The following FOXO3B variants were observed in gnomAD, a reference collection of about 807,000 sequenced individuals.
FOXO3B encodes the protein forkhead box protein O3B.
In FOXO3B, 15 loss-of-function variants were observed where a neutral mutation model predicts 21.9. That is an observed-to-expected ratio of 0.68 (90% CI 0.46 to 1.05). The LOEUF is 1.05. FOXO3B is among the 50% of genes least tolerant of loss of function. The pLI is 0.00. For missense variants in FOXO3B, 293 were observed against 435.5 expected, an observed-to-expected ratio of 0.67 and a Z score of 2.91; for synonymous variants, 135 against 213.6, an observed-to-expected ratio of 0.63 and a Z score of 3.21.
chr17:18,672,862 A>G lies in FOXO3B; in HGVS notation c.320T>C (p.Phe107Ser). ...SPLEVELDPEFEPQSRPRSCT... is the reference protein window; with the variant it reads ...SPLEVELDPESEPQSRPRSCT... ...GGATCGCGGACGGCTCTGGGGCTCGAACTCCGGGTCCAGCTCCACTTCGAG... is the reference window on the plus strand; with the variant it reads ...GGATCGCGGACGGCTCTGGGGCTCGGACTCCGGGTCCAGCTCCACTTCGAG... Residue 107 changes from phenylalanine (F) to serine (S), a missense_variant, in exon 4 of 4, where the codon TTC (phenylalanine) becomes TCC (serine). Physicochemically the swap from Phe to Ser is radical, Grantham distance 155. Transcript: ENST00000395675. The surrounding 1 kb of genome is among the most constrained non-coding windows in gnomAD (Gnocchi z 4.2). 6.4e-7 allele frequency: 1 copy of G among 1,559,550 alleles called. No individual in the cohort carries two copies. Among genetic ancestry groups the G allele is most frequent in the Non-Finnish European group, 8.7e-7 (1 of 1,155,108 alleles).
Position 18,672,897 on chromosome 17 carries a change from C to G in FOXO3B, c.285G>C (p.Pro95=). Residue 95 remains proline, a synonymous_variant, in exon 4 of 4, where the codon CCG becomes CCC. Transcript: ENST00000395675. This position sits in a 1 kb window ranked among gnomAD's most constrained non-coding sequence, Gnocchi z 4.2. ...KMAEAPASPA[P]LSPLEVELDP... ...CCAGCTCCACTTCGAGCGGAGAAAG[C>G]GGGGCCGGGGAAGCCGGTGCCTCTG... is the stretch of plus-strand genomic sequence containing the variant. 1 of 1,556,466 alleles carries G rather than the reference C, an allele frequency of 6.4e-7. No homozygotes were observed. The highest frequency in any genetic ancestry group is 1.2e-5 in the South Asian group (1 of 84,848).
Position 18,671,304 on chromosome 17 carries a change from T to G in FOXO3B, c.*1005A>C. 1 of 1,610,074 alleles carries G rather than the reference T, an allele frequency of 6.2e-7. No individual in the cohort carries two copies. Among genetic ancestry groups the G allele is most frequent in the Non-Finnish European group, 8.5e-7 (1 of 1,177,600 alleles). ...GGCACGGCTGCCACCAAGAGCGCCC[T>G]GGGTTTGGTGCTGGTGGTGGAGCAA... On this transcript the variant is annotated 3_prime_UTR_variant, in exon 4 of 4. Transcript: ENST00000395675.
Position 18,670,166 on chromosome 17 carries a change from A to G in FOXO3B, c.*2143T>C, listed in dbSNP as rs1467614847. Among the ~76,000 whole-genome samples the G allele has an allele frequency of 6.6e-6, 1 of 152,208 alleles. No individual in the cohort carries two copies. Among genetic ancestry groups the G allele is most frequent in the Non-Finnish European group, 1.5e-5 (1 of 68,034 alleles). ...CGTCCACAGATCACCCTGACTCAGA[A>G]CTGGAAACACACTGGGCTGGACGCT... On this transcript the variant is annotated 3_prime_UTR_variant, in exon 4 of 4. Transcript: ENST00000395675.
Position 18,671,051 on chromosome 17 carries a change from C to T in FOXO3B, c.*1258G>A. The T allele has an allele frequency of 9.6e-7, 1 of 1,040,586 alleles. No homozygotes were observed. Among genetic ancestry groups the T allele is most frequent in the East Asian group, 2.4e-5 (1 of 41,982 alleles). The allele number at this position is 1,040,586 out of a possible 1,614,324, so 64.5% of individuals were successfully genotyped here. A position where few individuals can be genotyped will look rare whatever the true frequency, so the allele number is the denominator to read the frequency against. ...CCATGAGTTCACTACGGATAATGGA[C>T]TCCATGTCACATTCCAAGCTCCCAT... On this transcript the variant is annotated 3_prime_UTR_variant, in exon 4 of 4. Coordinates refer to ENST00000395675, the MANE Select transcript of FOXO3B (RefSeq NM_001368135.1).
At position 18,672,802 on chromosome 17, in the gene FOXO3B, G is replaced by T; in HGVS notation, c.380C>A (p.Ala127Glu). Residue 127 changes from alanine to glutamate, a missense_variant, in exon 4 of 4, where the codon GCG becomes GAG. Transcript: ENST00000395675. This position sits in a 1 kb window ranked among gnomAD's most constrained non-coding sequence, Gnocchi z 4.2. The stretch of plus-strand genomic sequence containing the variant: ...CTCCCCCGAGGGCTTGGCAGGGCTC[G>T]CTTGGAGCTCCGGCCTTTGCAGGGG... The part of the protein sequence containing the change: ...TWPLQRPELQ[A>E]SPAKPSGETA... 1 of 1,558,406 alleles carries T rather than the reference G, an allele frequency of 6.4e-7. No homozygotes were observed. Among genetic ancestry groups the T allele is most frequent in the South Asian group, 1.2e-5 (1 of 85,272 alleles).
In FOXO3B at chr17:18,672,374, C is replaced by T. The variant is rs562581157; in HGVS notation, c.808G>A (p.Glu270Lys). 1 of 1,613,058 alleles carries T rather than the reference C, an allele frequency of 6.2e-7. No individual in the cohort carries two copies. The highest frequency in any genetic ancestry group is 1.1e-5 in the South Asian group (1 of 91,018). Reference sequence around the variant, plus strand: ...TAGGGCACGCAACTCACCATCCACTCGTAGATCTGGGACAGAGTGAGCCGT... The same window carrying T: ...TAGGGCACGCAACTCACCATCCACTTGTAGATCTGGGACAGAGTGAGCCGT... ...DRRLTLSQIY[E>K]WMVSCVPYFK... is the part of the protein sequence containing the mutation. Residue 270 changes from glutamate (E) to lysine (K), a missense_variant, in exon 4 of 4, where the codon GAG becomes AAG. Physicochemically the swap from Glu to Lys is moderately conservative, Grantham distance 56. This residue lies in a region of FOXO3B where 42 missense variants were observed against 31.5 expected (regional missense o/e 1.33). Coordinates refer to ENST00000395675, the MANE Select transcript of FOXO3B (RefSeq NM_001368135.1). This position sits in a 1 kb window ranked among gnomAD's most constrained non-coding sequence, Gnocchi z 4.2.
chr17:18,670,231 A>G lies in FOXO3B; in HGVS notation c.*2078T>C, dbSNP rs1465012007. Among the ~76,000 whole-genome samples the G allele has an allele frequency of 6.6e-6, 1 of 152,226 alleles. No individual in the cohort carries two copies. The highest frequency in any genetic ancestry group is 1.5e-5 in the Non-Finnish European group (1 of 68,034). ...TTGCCTATGCATGGTTCAGTCCTGG[A>G]CGGGTGCGCATAGCAAACAATTGTG... is the stretch of plus-strand genomic sequence containing the variant. On this transcript the variant is annotated 3_prime_UTR_variant, in exon 4 of 4. Coordinates refer to ENST00000395675, the MANE Select transcript of FOXO3B (RefSeq NM_001368135.1).
chr17:18,677,248 T>G (rs2032504618), intron 3 of FOXO3B: 1 of 1,601,130 alleles, frequency 6.2e-7, no homozygotes, highest in East Asian at 2.2e-5. Context: ...ACAAGTCTAC[T>G]TGTATGTATA....
chr17:18,670,912 G>A lies in FOXO3B; in HGVS notation c.*1397C>T, dbSNP rs555366836. The A allele has an allele frequency of 1.4e-3, 2,217 of 1,555,574 alleles. No homozygotes were observed. The highest frequency in any genetic ancestry group is 1.8e-3 in the Non-Finnish European group (2,037 of 1,150,770). On this transcript the variant is annotated 3_prime_UTR_variant, in exon 4 of 4. Coordinates refer to ENST00000395675, the MANE Select transcript of FOXO3B (RefSeq NM_001368135.1). ...CCTTCCTCAGTGATCCTTCAGCCTGGCACCCAGCTCTGAGATGAGGCCTGC... is the reference window on the plus strand; with the variant it reads ...CCTTCCTCAGTGATCCTTCAGCCTGACACCCAGCTCTGAGATGAGGCCTGC...
chr17:18,676,965 A>G (rs2151736450), intron 3 of FOXO3B, among the ~76,000 whole-genome samples: 1 of 152,256 alleles, frequency 6.6e-6, no homozygotes, highest in East Asian at 1.9e-4. Flanking sequence ...GGCCTCCCAA[A>G]GTGCTGGGAT....
chr17:18,675,275 G>C (rs963821426), intron 3 of FOXO3B, among the ~76,000 whole-genome samples: 1 of 151,870 alleles, frequency 6.6e-6, no homozygotes, highest in African/African-American at 2.4e-5. Context: ...GAAAAAAAAA[G>C]ATTATAAAAA....
chr17:18,675,233 T>G (rs2032462001), intron 3 of FOXO3B, among the ~76,000 whole-genome samples: 1 of 151,300 alleles, frequency 6.6e-6, no homozygotes, highest in Admixed American at 6.6e-5. Context: ...CTTGGATTAA[T>G]GAAACACATT....
In FOXO3B at chr17:18,667,959, T is replaced by C. The variant is rs1291442454; in HGVS notation, c.*4350A>G. On this transcript the variant is annotated 3_prime_UTR_variant, in exon 4 of 4. Transcript: ENST00000395675. ...TGCTGATATGCTCCAGATCAGAAAA[T>C]TATTGTTAGGGACCCGTGACACTCA... 1 of 152,188 alleles carries C rather than the reference T, an allele frequency of 6.6e-6. No individual in the cohort carries two copies. Among genetic ancestry groups the C allele is most frequent in the Admixed American group, 6.5e-5 (1 of 15,278 alleles). The allele number at this position is 152,188 out of a possible 1,614,324, so 9.4% of individuals were successfully genotyped here. A position where few individuals can be genotyped will look rare whatever the true frequency, so the allele number is the denominator to read the frequency against.
In FOXO3B at chr17:18,680,844, G is replaced by A. The variant is rs184007564; in HGVS notation, c.38-15C>T. On this transcript the variant is annotated splice_polypyrimidine_tract_variant and intron_variant, in intron 2 of 3. Transcript: ENST00000395675. Reference sequence around the variant, plus strand: ...GGAAGACAGAACTAACGACAAGAAAGCAGTAATGATGAGACCTAGGCTTAA... The same window carrying A: ...GGAAGACAGAACTAACGACAAGAAAACAGTAATGATGAGACCTAGGCTTAA... 1.8e-5 allele frequency: 28 copies of A among 1,589,606 alleles called. No individual in the cohort carries two copies. In the East Asian group the frequency reaches 5.8e-4, roughly 33 times the overall value.
rs566229377 is a variant in FOXO3B, at chr17:18,670,348, G to A, written c.*1961C>T. On this transcript the variant is annotated 3_prime_UTR_variant, in exon 4 of 4. Coordinates refer to ENST00000395675, the MANE Select transcript of FOXO3B (RefSeq NM_001368135.1). The stretch of plus-strand genomic sequence containing the variant: ...AGTTTATGTAATTTGTTAGTTTATG[G>A]AGTTCCATGCGCTCAAAAGCTTGTG... Among the ~76,000 whole-genome samples, 21 of 152,320 alleles carry A rather than the reference G, an allele frequency of 1.4e-4. No individual in the cohort carries two copies. The highest frequency in any genetic ancestry group is 4.8e-4 in the African/African-American group (20 of 41,564).
chr17:18,676,707 T>G (rs1318261024), intron 3 of FOXO3B, among the ~76,000 whole-genome samples: 1 of 143,496 alleles, frequency 7.0e-6, no homozygotes, highest in African/African-American at 2.5e-5. Context: ...TTGCTTTTTG[T>G]TTTTTTTTTT....
chr17:18,672,892 G>C lies in FOXO3B; in HGVS notation c.290C>G (p.Ser97Cys). 4 of 1,560,822 alleles carry C rather than the reference G, an allele frequency of 2.6e-6. No homozygotes were observed. Among genetic ancestry groups the C allele is most frequent in the South Asian group, 1.2e-5 (1 of 85,232 alleles). ...CGGGTCCAGCTCCACTTCGAGCGGAGAAAGCGGGGCCGGGGAAGCCGGTGC... is the reference window on the plus strand; with the variant it reads ...CGGGTCCAGCTCCACTTCGAGCGGACAAAGCGGGGCCGGGGAAGCCGGTGC... The part of the protein sequence containing the change: ...AEAPASPAPL[S>C]PLEVELDPEF... Residue 97 changes from serine (S) to cysteine (C), a missense_variant, in exon 4 of 4, where the codon TCT becomes TGT. Coordinates refer to ENST00000395675, the MANE Select transcript of FOXO3B (RefSeq NM_001368135.1). The surrounding 1 kb of genome is among the most constrained non-coding windows in gnomAD (Gnocchi z 4.2).
At position 18,682,262 on chromosome 17, in the gene FOXO3B, T is replaced by A; in HGVS notation, c.-254A>T. ...TCTTTGGCCAGCTCGGAGTCGCGCA[T>A]GAGTAAGAAGGAGCGGAGCCAGGCG... is the stretch of plus-strand genomic sequence containing the variant. On this transcript the variant is annotated 5_prime_UTR_variant, in exon 1 of 4. An upstream start codon of the reference 5' UTR is lost. Transcript: ENST00000395675. The A allele has an allele frequency of 3.0e-6, 2 of 658,388 alleles. No homozygotes were observed. The highest frequency in any genetic ancestry group is 1.5e-5 in the South Asian group (1 of 66,816). The allele number at this position is 658,388 out of a possible 1,614,324, so 40.8% of individuals were successfully genotyped here. A position where few individuals can be genotyped will look rare whatever the true frequency, so the allele number is the denominator to read the frequency against.
Position 18,670,765 on chromosome 17 carries a change from G to A in FOXO3B, c.*1544C>T, listed in dbSNP as rs1051271294. Among the ~76,000 whole-genome samples, 4 of 152,166 alleles carry A rather than the reference G, an allele frequency of 2.6e-5. No individual in the cohort carries two copies. The highest frequency in any genetic ancestry group is 2.1e-4 in the South Asian group (1 of 4,834). ...GTCTCTGCTGGGTTAGGAAAATGGC[G>A]TGGGATTCACAAAGGTGTTAAGCTG... On this transcript the variant is annotated 3_prime_UTR_variant, in exon 4 of 4. Coordinates refer to ENST00000395675, the MANE Select transcript of FOXO3B (RefSeq NM_001368135.1).
Sources: gnomAD v4.1 joint callset for allele counts (sites outside exome capture counted in the v4.1 genomes callset) on GRCh38, gnomAD v4.1.1 for gene constraint, gnomAD v4.1.1 regional missense constraint, Gnocchi (gnomAD v3.1) non-coding constraint, MANE v1.5 for transcripts, NCBI Gene and HGNC (gene_info 2026-07-23, HGNC 2026-07-21) for gene names.